Variants in ARHGAP25 observed in about 807,000 individuals in gnomAD.
The protein encoded by ARHGAP25 is rho GTPase-activating protein 25.
A neutral mutation model predicts 71.0 loss-of-function variants in ARHGAP25; 34 were observed. The observed-to-expected ratio is 0.48, with a 90% CI of 0.36 to 0.64. ARHGAP25 has a LOEUF of 0.64. Among genes scored for constraint, ARHGAP25 ranks in the 30% least tolerant of loss-of-function variants. The pLI, the probability that ARHGAP25 is intolerant of heterozygous loss-of-function variation, is 0.00. For missense variants in ARHGAP25, 706 were observed against 805.1 expected, an observed-to-expected ratio of 0.88 and a Z score of 1.49; for synonymous variants, 282 against 296.5, an observed-to-expected ratio of 0.95 and a Z score of 0.50.
At chr2:68,712,939 G>C (rs545748094) in intron 2 of ARHGAP25, among the ~76,000 whole-genome samples, 2 of 152,172 alleles carry the variant, frequency 1.3e-5, no homozygotes, top group African/African-American at 2.4e-5. Flanking sequence ...AAGTCAGGTA[G>C]CGTGATGCCT....
chr2:68,734,293 C>T (rs1304457608), upstream of ARHGAP25, among the ~76,000 whole-genome samples: 2 of 152,140 alleles, frequency 1.3e-5, no homozygotes, highest in Non-Finnish European at 2.9e-5. Context: ...GTATACAGCC[C>T]ACACACCCTG....
chr2:68,782,217 A>T lies in ARHGAP25; in HGVS notation c.262-16A>T. 1 of 1,612,876 alleles carries T rather than the reference A, an allele frequency of 6.2e-7. No individual in the cohort carries two copies. The highest frequency in any genetic ancestry group is 8.5e-7 in the Non-Finnish European group (1 of 1,179,082). The stretch of plus-strand genomic sequence containing the variant: ...AATTGCTGCTTATCCTTAAGGCCTG[A>T]CTTTTCATCTTTCAGGGCTGCATGT... On this transcript the variant is annotated splice_polypyrimidine_tract_variant and intron_variant, in intron 2 of 10. Transcript: ENST00000409202.
At position 68,725,138 on chromosome 2, in the gene ARHGAP25, C is replaced by A. The variant is rs1277729800; in HGVS notation, c.-18+14440C>A. Among the ~76,000 whole-genome samples the A allele has an allele frequency of 2.0e-5, 3 of 152,146 alleles. No individual in the cohort carries two copies. In the East Asian group the frequency reaches 5.8e-4, roughly 29 times the overall value. Reference sequence around the variant, plus strand: ...CCCCACCTATCCATGAGGCTGGTGCCTTGCTCCCTGCATCACCTGCACAAT... The same window carrying A: ...CCCCACCTATCCATGAGGCTGGTGCATTGCTCCCTGCATCACCTGCACAAT... On this transcript the variant is annotated intron_variant and NMD_transcript_variant, in intron 2 of 7. Transcript: ENST00000463483.
At chr2:68,714,230 G>A (rs1334003349) in intron 2 of ARHGAP25, among the ~76,000 whole-genome samples, 4 of 152,092 alleles carry the variant, frequency 2.6e-5, no homozygotes, top group African/African-American at 9.7e-5. Flanking sequence ...TATGTGTCCA[G>A]GAATTTATCC....
intron 1 of ARHGAP25, chr2:68,774,887 GA>G (rs1677756227): frequency 8.3e-6 from 11 of 1,331,882 alleles, no homozygotes; most frequent in Non-Finnish European, 1.1e-5. Context: ...CCTTTTGTCA[GA>G]TGCTGTGGCC....
chr2:68,774,328 G>A (rs920251049), intron 1 of ARHGAP25, among the ~76,000 whole-genome samples: 14 of 152,156 alleles, frequency 9.2e-5, no homozygotes, highest in Non-Finnish European at 1.9e-4. Context: ...ATGGTCCTGG[G>A]TGGGGGTTAC....
Position 68,826,476 on chromosome 2 carries a change from C to T in ARHGAP25, c.*282C>T. ...CCACGTCCAGTGAAGACATTTGAGG[C>T]AGCACATCTCAGGACCCAGGCAATA... On this transcript the variant is annotated 3_prime_UTR_variant, in exon 11 of 11. Coordinates refer to ENST00000409202, the MANE Select transcript of ARHGAP25 (RefSeq NM_001007231.3). The T allele has an allele frequency of 2.0e-6, 1 of 507,786 alleles. No individual in the cohort carries two copies. The highest frequency in any genetic ancestry group is 3.6e-6 in the Non-Finnish European group (1 of 274,302). The allele number at this position is 507,786 out of a possible 1,614,324, so 31.5% of individuals were successfully genotyped here. A position where few individuals can be genotyped will look rare whatever the true frequency, so the allele number is the denominator to read the frequency against.
In ARHGAP25 at chr2:68,719,334, T is replaced by C. The variant is rs115433335; in HGVS notation, c.-18+8636T>C. ...CAGTTTTGAAAGACTGCGCCCTTCG[T>C]CTGTGGCACCTGATGCTAACTCCAG... On this transcript the variant is annotated intron_variant and NMD_transcript_variant, in intron 2 of 7. Transcript: ENST00000463483. 9.1e-3 allele frequency among the ~76,000 whole-genome samples: 1,383 copies of C among 151,268 alleles called. 24 individuals carry two copies. The highest frequency in any genetic ancestry group is 0.032 in the African/African-American group (1,313 of 41,206).
rs1677210401 is a variant in ARHGAP25, at chr2:68,767,645, A to G, written c.62-7576A>G. ...TCGGCCACGTGGGACCTTGCTCAGA[A>G]TCCCTAGGTCTCTCCACATGAGCTT... On this transcript the variant is annotated intron_variant, in intron 1 of 10. Coordinates refer to ENST00000409202, the MANE Select transcript of ARHGAP25 (RefSeq NM_001007231.3). This position sits in a 1 kb window ranked among gnomAD's most constrained non-coding sequence, Gnocchi z 4.6. Among the ~76,000 whole-genome samples, 1 of 152,044 alleles carries G rather than the reference A, an allele frequency of 6.6e-6. No individual in the cohort carries two copies. Among genetic ancestry groups the G allele is most frequent in the Non-Finnish European group, 1.5e-5 (1 of 68,020 alleles).
At chr2:68,755,895 C>G (rs185442551) in intron 1 of ARHGAP25, among the ~76,000 whole-genome samples, 3 of 152,180 alleles carry the variant, frequency 2.0e-5, no homozygotes, top group African/African-American at 4.8e-5. Context: ...GTATCCTAAA[C>G]AAGCTTATTA....
chr2:68,713,247 A>G lies in ARHGAP25; in HGVS notation c.-18+2549A>G, dbSNP rs934462448. 7.9e-5 allele frequency among the ~76,000 whole-genome samples: 12 copies of G among 152,158 alleles called. No individual in the cohort carries two copies. The East Asian group carries it at 9.7e-4, about 12-fold the overall frequency. ...CCCATCCCTTGTAAGTTGTATTCCT[A>G]GGTATTTTATTCTCTGCAGCAATTG... is the stretch of plus-strand genomic sequence containing the variant. On this transcript the variant is annotated intron_variant and NMD_transcript_variant, in intron 2 of 7. Coordinates refer to the ARHGAP25 transcript ENST00000463483.
intron 4 of ARHGAP25, among the ~76,000 whole-genome samples, chr2:68,797,959 G>T (rs906635257): frequency 6.6e-6 from 1 of 152,156 alleles, no homozygotes; most frequent in Non-Finnish European, 1.5e-5. Context: ...TTTCTTCCTG[G>T]ATTTCAAAGC....
At chr2:68,735,873 A>G (rs938482276) in intron 1 of ARHGAP25, among the ~76,000 whole-genome samples, 1 of 152,218 alleles carries the variant, frequency 6.6e-6, no homozygotes, top group Non-Finnish European at 1.5e-5. Context: ...GGAGACTGGC[A>G]TATTTTCTGA....
At chr2:68,776,737 T>A (rs1402797150) in intron 2 of ARHGAP25, among the ~76,000 whole-genome samples, 2 of 151,936 alleles carry the variant, frequency 1.3e-5, no homozygotes, top group African/African-American at 4.8e-5. Flanking sequence ...CTAGAACTCA[T>A]GTGTGTGGAG....
chr2:68,808,017 C>A (rs970882787), intron 5 of ARHGAP25, among the ~76,000 whole-genome samples: 11 of 152,208 alleles, frequency 7.2e-5, no homozygotes, highest in African/African-American at 2.7e-4. Flanking sequence ...ATCCTGATAT[C>A]TTGGCCGCCT....
chr2:68,742,131 C>T (rs1331463596), intron 1 of ARHGAP25, among the ~76,000 whole-genome samples: 2 of 152,128 alleles, frequency 1.3e-5, no homozygotes, highest in African/African-American at 4.8e-5. Flanking sequence ...ACTATCCATC[C>T]ACCCCCAAAA....
At chr2:68,807,897 C>T (rs17035964) in intron 5 of ARHGAP25, among the ~76,000 whole-genome samples, 28,862 of 152,128 alleles carry the variant, frequency 0.19, 2,951 homozygotes, top group East Asian at 0.38. Context: ...AGGGCACCAG[C>T]GGCTTTCGTT....
At chr2:68,748,500 C>T (rs1283849266) in intron 1 of ARHGAP25, among the ~76,000 whole-genome samples, 1 of 152,192 alleles carries the variant, frequency 6.6e-6, no homozygotes, top group East Asian at 1.9e-4. Flanking sequence ...GTTTCATGCA[C>T]TTTTAGATAG....
intron 1 of ARHGAP25, among the ~76,000 whole-genome samples, chr2:68,741,750 C>G (rs1573406176): frequency 6.6e-6 from 1 of 152,156 alleles, no homozygotes; most frequent in South Asian, 2.1e-4. Flanking sequence ...TGCAATTTAT[C>G]TAAGAAAGGT....
Sources: gnomAD v4.1 joint callset for allele counts (sites outside exome capture counted in the v4.1 genomes callset) on GRCh38, gnomAD v4.1.1 for gene constraint, Gnocchi (gnomAD v3.1) non-coding constraint, MANE v1.5 for transcripts, NCBI Gene and HGNC (gene_info 2026-07-23, HGNC 2026-07-21) for gene names.